The following TMEM53 variants were observed in gnomAD, a reference collection of about 807,000 sequenced individuals.
The protein encoded by TMEM53 is transmembrane protein 53, also known as novel DUF829 domain-containing protein.
A neutral mutation model predicts 21.4 loss-of-function variants in TMEM53; 14 were observed. That is an observed-to-expected ratio of 0.65 (90% CI 0.43 to 1.02). TMEM53 has a LOEUF of 1.02. Ranked by LOEUF, TMEM53 falls within the 50% of genes least tolerant of loss-of-function variation. The probability of loss-of-function intolerance (pLI) is 0.00; values close to 1 mark genes in which losing one functional copy is unlikely to be tolerated. For synonymous variants in TMEM53, 148 were observed against 157.4 expected (o/e 0.94, Z 0.45); for missense variants, 323 against 383.6 (o/e 0.84, Z 1.32).
chr1:44,664,057 C>A (rs1009795167), intron 1 of TMEM53, among the ~76,000 whole-genome samples: 2 of 151,100 alleles, frequency 1.3e-5, no homozygotes, highest in Non-Finnish European at 2.9e-5. Flanking sequence ...GGTGCTGAGG[C>A]AGGAGGATAG....
In TMEM53 at chr1:44,654,574, G is replaced by A. The variant is rs1453478643; in HGVS notation, c.819C>T (p.Asn273=). ...AGCAATGGCCTCAGCAGCGGACGCA[G>A]TTGCGCATGAAGTCGACACAGAGGC... is the stretch of plus-strand genomic sequence containing the variant. ...YTSLCVDFMR[N]CVRC Residue 273 remains asparagine (N), a synonymous_variant, in exon 3 of 3, where the codon AAC becomes AAT. Transcript: ENST00000372237. The surrounding 1 kb of genome is among the most constrained non-coding windows in gnomAD (Gnocchi z 7.0). 1 of 1,605,690 alleles carries A rather than the reference G, an allele frequency of 6.2e-7. No homozygotes were observed. Among genetic ancestry groups the A allele is most frequent in the Admixed American group, 1.7e-5 (1 of 59,882 alleles).
chr1:44,669,303 T>G (rs1644977975), intron 1 of TMEM53, among the ~76,000 whole-genome samples: 1 of 152,242 alleles, frequency 6.6e-6, no homozygotes, highest in South Asian at 2.1e-4. Flanking sequence ...ATAGAATGTT[T>G]CATAATTTAT....
intron 1 of TMEM53, among the ~76,000 whole-genome samples, chr1:44,668,364 C>T (rs1270303678): frequency 6.6e-6 from 1 of 151,860 alleles, no homozygotes; most frequent in African/African-American, 2.4e-5. Context: ...TGGCGTGAAC[C>T]CAGAGCTGAG....
chr1:44,658,277 G>C (rs150808009), intron 2 of TMEM53, among the ~76,000 whole-genome samples: 1 of 152,046 alleles, frequency 6.6e-6, no homozygotes, highest in South Asian at 2.1e-4. Flanking sequence ...CTAGTGTTCC[G>C]GTCTCAAAAA....
Position 44,654,345 on chromosome 1 carries a change from C to A in TMEM53, c.*214G>T. 1.7e-6 allele frequency: 1 copy of A among 575,836 alleles called. No homozygotes were observed. The highest frequency in any genetic ancestry group is 3.1e-6 in the Non-Finnish European group (1 of 327,404). 35.7% of individuals were successfully genotyped at this position (575,836 alleles called of 1,614,324 possible). On this transcript the variant is annotated 3_prime_UTR_variant, in exon 3 of 3. Transcript: ENST00000372237. This position sits in a 1 kb window ranked among gnomAD's most constrained non-coding sequence, Gnocchi z 7.0. ...CTGCAAGGCTCCCACAGACACATGC[C>A]CAGGCACTCCTGCCCCTTAGGATTC...
chr1:44,665,912 T>A (rs901642763), intron 1 of TMEM53, among the ~76,000 whole-genome samples: 1 of 151,826 alleles, frequency 6.6e-6, no homozygotes, highest in African/African-American at 2.4e-5. Context: ...TCAAAGGACA[T>A]AATCCAAAAA....
intron 1 of TMEM53, among the ~76,000 whole-genome samples, chr1:44,660,737 C>T (rs2148531975): frequency 6.6e-6 from 1 of 151,960 alleles, no homozygotes; most frequent in East Asian, 1.9e-4. Flanking sequence ...GTAATCCCAG[C>T]ACTTTGGGAG....
At chr1:44,657,551 T>A (rs1644861317) in intron 2 of TMEM53, among the ~76,000 whole-genome samples, 1 of 152,220 alleles carries the variant, frequency 6.6e-6, no homozygotes, top group African/African-American at 2.4e-5. Context: ...TTGCTTGTTT[T>A]GTTTGAGACA....
At chr1:44,661,379 CA>C (rs1258157701) in intron 1 of TMEM53, among the ~76,000 whole-genome samples, 1 of 151,850 alleles carries the variant, frequency 6.6e-6, no homozygotes, top group Non-Finnish European at 1.5e-5. Flanking sequence ...TATAGGCACC[CA>C]CCACCATGTG....
chr1:44,655,301 G>A lies in TMEM53; in HGVS notation c.184-92C>T, dbSNP rs760864881. 9.7e-5 allele frequency: 127 copies of A among 1,305,992 alleles called. No individual in the cohort carries two copies. Among genetic ancestry groups the A allele is most frequent in the Non-Finnish European group, 1.2e-4 (118 of 960,852 alleles). The allele number at this position is 1,305,992 out of a possible 1,614,324, so 80.9% of individuals were successfully genotyped here. ...AGGGGCCCAGCAACCCCAGCCTGTA[G>A]GACATAGGCCATGGGGCCCACAGCG... On this transcript the variant is annotated intron_variant, in intron 2 of 2. Transcript: ENST00000372237. This position sits in a 1 kb window ranked among gnomAD's most constrained non-coding sequence, Gnocchi z 4.4.
intron 1 of TMEM53, among the ~76,000 whole-genome samples, chr1:44,665,499 G>A (rs548763383): frequency 5.9e-5 from 9 of 152,176 alleles, no homozygotes; most frequent in East Asian, 1.9e-4. Flanking sequence ...AGCTGGGCAC[G>A]GTGGTGGGGG....
Position 44,660,972 on chromosome 1 carries a change from C to CA in TMEM53, c.62-678dup, listed in dbSNP as rs35717917. 6.7e-3 allele frequency among the ~76,000 whole-genome samples: 588 copies of CA among 88,090 alleles called. 2 individuals are homozygous for CA. Among genetic ancestry groups the CA allele is most frequent in the African/African-American group, 0.012 (264 of 21,946 alleles). 57.8% of individuals were successfully genotyped at this position (88,090 alleles called of 152,430 possible). ...TGGGCAACAGAGTGAGACTCTGTCT[C>CA]AAAAAAAAAAAAAAAATCAAAAGAA... On this transcript the variant is annotated intron_variant, in intron 1 of 2. Coordinates refer to ENST00000372237, the MANE Select transcript of TMEM53 (RefSeq NM_024587.4).
rs1020174961 is a variant in TMEM53 at position 44,653,288 on chromosome 1, A to G, written c.*1271T>C. The G allele has an allele frequency of 1.3e-5, 2 of 152,354 alleles. No homozygotes were observed. Among genetic ancestry groups the G allele is most frequent in the East Asian group, 3.9e-4 (2 of 5,186 alleles). The allele number at this position is 152,354 out of a possible 1,614,324, so 9.4% of individuals were successfully genotyped here. A position where few individuals can be genotyped will look rare whatever the true frequency, so the allele number is the denominator to read the frequency against. ...TTTATTGAATACCTACTATATGCCAACATTGTGCAGTAGTGACTTCTAGAA... is the reference window on the plus strand; with the variant it reads ...TTTATTGAATACCTACTATATGCCAGCATTGTGCAGTAGTGACTTCTAGAA... On this transcript the variant is annotated 3_prime_UTR_variant, in exon 3 of 3. Transcript: ENST00000372237.
At chr1:44,665,991 A>C (rs72671971) in intron 1 of TMEM53, among the ~76,000 whole-genome samples, 2,415 of 149,918 alleles carry the variant, frequency 0.016, 84 homozygotes, top group Admixed American at 0.068. Flanking sequence ...ATAAGGGAGT[A>C]ATATCCAGAA....
Position 44,654,894 on chromosome 1 carries a change from C to G in TMEM53, c.499G>C (p.Ala167Pro). 1 of 1,612,326 alleles carries G rather than the reference C, an allele frequency of 6.2e-7. No individual in the cohort carries two copies. The highest frequency in any genetic ancestry group is 8.5e-7 in the Non-Finnish European group (1 of 1,179,582). ...ACCAGCAGCAACAGGCGCAGCATGG[C>G]GGCCCGGCGCTCCAGGATGGCTGCC... ...ALAAILERRA[A>P]MLRLLLLVAF... Residue 167 changes from alanine (A) to proline (P), a missense_variant, in exon 3 of 3, where the codon GCC becomes CCC. This residue lies in a region of TMEM53 where 269 missense variants were observed against 334.5 expected (regional missense o/e 0.80). Coordinates refer to ENST00000372237, the MANE Select transcript of TMEM53 (RefSeq NM_024587.4). The surrounding 1 kb of genome is among the most constrained non-coding windows in gnomAD (Gnocchi z 7.0).
chr1:44,655,031 CGGT>C lies in TMEM53; in HGVS notation c.359_361del (p.Tyr120_Arg121delinsCys). 6.2e-7 allele frequency: 1 copy of C among 1,614,078 alleles called. No individual in the cohort carries two copies. The highest frequency in any genetic ancestry group is 8.5e-7 in the Non-Finnish European group (1 of 1,179,966). On this transcript the variant is annotated inframe_deletion, in exon 3 of 3. Coordinates refer to ENST00000372237, the MANE Select transcript of TMEM53 (RefSeq NM_024587.4). The surrounding 1 kb of genome is among the most constrained non-coding windows in gnomAD (Gnocchi z 4.4). The stretch of plus-strand genomic sequence containing the variant: ...GGTCTGCAGGAGCTCCAGCACGTAG[CGGT>C]ACAGCATGACGCCACCGTTGCTGAA...
chr1:44,660,765 G>C lies in TMEM53; in HGVS notation c.62-470C>G, dbSNP rs137914042. Among the ~76,000 whole-genome samples, 6 of 151,740 alleles carry C rather than the reference G, an allele frequency of 4.0e-5. No individual in the cohort carries two copies. In the East Asian group the frequency reaches 9.7e-4, roughly 25 times the overall value. On this transcript the variant is annotated intron_variant, in intron 1 of 2. Transcript: ENST00000372237. ...TTTGGGAGGCCGAGGCGGACGGATC[G>C]TGAGGTCAGGAGATTGAGACCATCC...
In TMEM53 at chr1:44,654,083, C is replaced by T. The variant is rs1447015345; in HGVS notation, c.*476G>A. On this transcript the variant is annotated 3_prime_UTR_variant, in exon 3 of 3. Transcript: ENST00000372237. This position sits in a 1 kb window ranked among gnomAD's most constrained non-coding sequence, Gnocchi z 7.0. ...TTGAGGCTGCAGTGAGCCATGATTG[C>T]ACCATTGCACCCCAGCCTAGGTGAC... 6.5e-6 allele frequency: 1 copy of T among 153,564 alleles called. No homozygotes were observed. Among genetic ancestry groups the T allele is most frequent in the African/African-American group, 2.4e-5 (1 of 41,394 alleles). 9.5% of individuals were successfully genotyped at this position (153,564 alleles called of 1,614,324 possible).
At chr1:44,657,600 C>T (rs1373568730) in intron 2 of TMEM53, among the ~76,000 whole-genome samples, 2 of 152,142 alleles carry the variant, frequency 1.3e-5, no homozygotes, top group Non-Finnish European at 2.9e-5. Context: ...TGTAGTGGCA[C>T]GATCACAGCT....
Sources: gnomAD v4.1 joint callset for allele counts (sites outside exome capture counted in the v4.1 genomes callset) on GRCh38, gnomAD v4.1.1 for gene constraint, gnomAD v4.1.1 regional missense constraint, Gnocchi (gnomAD v3.1) non-coding constraint, MANE v1.5 for transcripts, NCBI Gene and HGNC (gene_info 2026-07-23, HGNC 2026-07-21) for gene names.